AMOTL2: variants seen among roughly 807,000 people sequenced by gnomAD.
AMOTL2 encodes angiomotin-like protein 2.
AMOTL2 carries 33 observed loss-of-function variants against 78.4 expected under a neutral mutation model. The observed-to-expected ratio is 0.42, with a 90% CI of 0.32 to 0.56. The LOEUF (loss-of-function observed/expected upper bound fraction) is 0.56. Ranked by LOEUF, AMOTL2 falls within the 20% of genes least tolerant of loss-of-function variation. The pLI is 0.12. For missense variants in AMOTL2, 983 were observed against 1,030.1 expected, an observed-to-expected ratio of 0.95 and a Z score of 0.63; for synonymous variants, 422 against 428.8, an observed-to-expected ratio of 0.98 and a Z score of 0.20.
chr3:134,371,512 G>A lies in AMOTL2; in HGVS notation c.-61-18C>T. ...CAGAGCACCTGGAGTGGGGTGGGGA[G>A]AGAGAGAGAGAAAAGCAATCAGTGG... On this transcript the variant is annotated intron_variant, in intron 1 of 9. Coordinates refer to ENST00000249883, the MANE Select transcript of AMOTL2 (RefSeq NM_016201.4). 1 of 1,574,974 alleles carries A rather than the reference G, an allele frequency of 6.3e-7. No homozygotes were observed. Among genetic ancestry groups the A allele is most frequent in the Non-Finnish European group, 8.6e-7 (1 of 1,163,204 alleles).
chr3:134,374,806 AC>A (rs2018029385), upstream of AMOTL2: 1 of 1,040,602 alleles, frequency 9.6e-7, no homozygotes, highest in Admixed American at 5.3e-5. Context: ...CCAGTCGCCG[AC>A]CCGCTCTCAC....
At chr3:134,361,489 G>C (rs766350478) in intron 6 of AMOTL2, 23 bp downstream of exon 6, 7 of 1,581,928 alleles carry the variant, frequency 4.4e-6, no homozygotes, top group Non-Finnish European at 6.0e-6. Context: ...TGCTGCCCTA[G>C]CCTGGAGACT....
chr3:134,374,553 C>A, upstream of AMOTL2: 1 of 985,506 alleles, frequency 1.0e-6, no homozygotes, highest in Non-Finnish European at 1.2e-6. Flanking sequence ...TCAAAGCGAA[C>A]CACAAATAAC....
In AMOTL2 at chr3:134,357,710, T is replaced by C; in HGVS notation, c.2338A>G (p.Ile780Val). The C allele has an allele frequency of 6.2e-7, 1 of 1,614,148 alleles. No individual in the cohort carries two copies. Among genetic ancestry groups the C allele is most frequent in the Non-Finnish European group, 8.5e-7 (1 of 1,180,012 alleles). Residue 780 changes from isoleucine (I) to valine (V), a missense_variant, in exon 10 of 10, where the codon ATC becomes GTC. Physicochemically the swap from Ile to Val is conservative, Grantham distance 29. Transcript: ENST00000249883. ...GTCCTGAAGCACCACCTCCTTCAGATCAGTATCTCCACCATGTCTGACAAG... is the reference window on the plus strand; with the variant it reads ...GTCCTGAAGCACCACCTCCTTCAGACCAGTATCTCCACCATGTCTGACAAG... ...QDLSDMVEIL[I>V]
chr3:134,373,072 T>C (rs2017937181), intron 1 of AMOTL2, among the ~76,000 whole-genome samples: 1 of 152,034 alleles, frequency 6.6e-6, no homozygotes, highest in Non-Finnish European at 1.5e-5. Context: ...ACCCCAGTAC[T>C]CCAGCTGCCC....
At chr3:134,366,630 TC>T in intron 3 of AMOTL2, 1 of 530,450 alleles carries the variant, frequency 1.9e-6, no homozygotes, top group Non-Finnish European at 3.3e-6. Context: ...CAAGCAACGG[TC>T]CCATCGGCTG....
chr3:134,373,656 G>A, intron 1 of AMOTL2: 12 of 985,480 alleles, frequency 1.2e-5, no homozygotes, highest in Non-Finnish European at 1.4e-5. Context: ...CCCAGCCAGG[G>A]CTCCCGCCCC....
chr3:134,359,603 TCCCCCAACC>T, intron 7 of AMOTL2, 100 bp from the exon 8 acceptor site: 1 of 927,706 alleles, frequency 1.1e-6, no homozygotes, highest in Non-Finnish European at 1.6e-6. Context: ...CCCCCCCAAC[TCCCCCAACC>T]CTGCCAGGCT....
chr3:134,374,257 CG>C (rs1367008265), intron 1 of AMOTL2, 84 bp downstream of exon 1: 2 of 985,348 alleles, frequency 2.0e-6, no homozygotes, highest in African/African-American at 1.7e-5. Context: ...CGGAAAAGGC[CG>C]GGTTGCGCCG....
intron 1 of AMOTL2, chr3:134,371,784 G>A (rs1457371823): frequency 1.0e-5 from 4 of 386,254 alleles, no homozygotes; most frequent in Non-Finnish European, 1.9e-5. Context: ...CGAGCTCCTG[G>A]CACAGTGAAA....
At chr3:134,358,782 C>CT in intron 8 of AMOTL2, 63 bp from the exon 9 acceptor site, 1 of 1,584,278 alleles carries the variant, frequency 6.3e-7, no homozygotes. Context: ...GAAGGACACT[C>CT]TAAGTTAACT....
rs2017170606 is a variant in AMOTL2, at chr3:134,358,435, C to A, written c.2284+105G>T. On this transcript the variant is annotated intron_variant, in intron 9 of 9. Coordinates refer to ENST00000249883, the MANE Select transcript of AMOTL2 (RefSeq NM_016201.4). ...TGCACGGCTCCCCATGGAGTGCGGG[C>A]AATGACCCGGAGGGGGTCTGGGAAG... 4 of 1,362,974 alleles carry A rather than the reference C, an allele frequency of 2.9e-6. No homozygotes were observed. In the South Asian group the frequency reaches 6.0e-5, roughly 20 times the overall value. 84.4% of individuals were successfully genotyped at this position (1,362,974 alleles called of 1,614,324 possible). A position where few individuals can be genotyped will look rare whatever the true frequency, so the allele number is the denominator to read the frequency against.
At chr3:134,360,067 ACCC>A in intron 7 of AMOTL2, 36 bp downstream of exon 7, 1 of 1,574,098 alleles carries the variant, frequency 6.4e-7, no homozygotes, top group Non-Finnish European at 8.6e-7. Context: ...ATTGCCACCC[ACCC>A]CCCCAACCTC....
At chr3:134,367,279 C>G (rs532619703) in intron 3 of AMOTL2, among the ~76,000 whole-genome samples, 1 of 152,272 alleles carries the variant, frequency 6.6e-6, no homozygotes, top group Admixed American at 6.5e-5. Context: ...TGTTCATGCT[C>G]CAGGCCTGCT....
At chr3:134,358,851 C>G in intron 8 of AMOTL2, 132 bp from the exon 9 acceptor site, 1 of 1,031,880 alleles carries the variant, frequency 9.7e-7, no homozygotes, top group South Asian at 1.5e-5. Context: ...AACTTTAAGA[C>G]TAAAAATGCT....
At chr3:134,372,530 A>AACACACAAACAC (rs1553723524) in intron 1 of AMOTL2, among the ~76,000 whole-genome samples, 6 of 144,330 alleles carry the variant, frequency 4.2e-5, no homozygotes. Flanking sequence ...TATCCTCCCC[A>AACACACAAACAC]ACACACACAC....
intron 4 of AMOTL2, 47 bp from the exon 5 acceptor site, chr3:134,365,956 A>G: frequency 6.3e-7 from 1 of 1,588,930 alleles, no homozygotes; most frequent in Non-Finnish European, 8.6e-7. Flanking sequence ...TGAAGCTGCC[A>G]GCTTGGGATT....
chr3:134,365,667 C>G (rs2017572482), intron 5 of AMOTL2, 150 bp downstream of exon 5: 1 of 645,840 alleles, frequency 1.5e-6, no homozygotes, highest in Non-Finnish European at 2.7e-6. Flanking sequence ...ATCCCCAGAT[C>G]CAGTCTAGTG....
intron 2 of AMOTL2, among the ~76,000 whole-genome samples, chr3:134,369,024 C>G (rs961608770): frequency 1.3e-5 from 2 of 152,168 alleles, no homozygotes; most frequent in African/African-American, 4.8e-5. Flanking sequence ...TAATGCACAC[C>G]CAGCCTGCCC....
Sources: gnomAD v4.1 joint callset for allele counts (sites outside exome capture counted in the v4.1 genomes callset) on GRCh38, gnomAD v4.1.1 for gene constraint, MANE v1.5 for transcripts, NCBI Gene and HGNC (gene_info 2026-07-23, HGNC 2026-07-21) for gene names.